The following ERC2 variants were observed in gnomAD, a reference collection of about 807,000 sequenced individuals.
ERC2 encodes the protein ERC protein 2.
A neutral mutation model predicts 114.8 loss-of-function variants in ERC2; 42 were observed. The observed-to-expected ratio is 0.37, with a 90% CI of 0.29 to 0.47. ERC2 has a LOEUF of 0.47. Among genes scored for constraint, ERC2 ranks in the 20% least tolerant of loss-of-function variants. The pLI is 0.99. For missense variants in ERC2, 939 were observed against 1,150.7 expected (o/e 0.82, Z 2.66); for synonymous variants, 454 against 425.5 (o/e 1.07, Z -0.82).
At chr3:55,837,943 T>A (rs747669117) in intron 14 of ERC2, among the ~76,000 whole-genome samples, 1 of 150,242 alleles carries the variant, frequency 6.7e-6, no homozygotes, top group African/African-American at 2.5e-5. Flanking sequence ...ACAAAGTCAA[T>A]TTCAGAACAA....
rs547526287 is a variant in ERC2, at chr3:55,604,516, G to GT, written c.*39+79277_*39+79278insA. Among the ~76,000 whole-genome samples the GT allele has an allele frequency of 3.0e-3, 464 of 152,178 alleles. 3 individuals are homozygous for GT. The highest frequency in any genetic ancestry group is 0.01 in the African/African-American group (430 of 41,528). On this transcript the variant is annotated intron_variant, in intron 17 of 17. Coordinates refer to ENST00000288221, the MANE Select transcript of ERC2 (RefSeq NM_015576.3). ...TTCCTGCTGACACTACACTCAGCAGGCATGTCTGAGGATGAGAAAGAAGGC... is the reference window on the plus strand; with the variant it reads ...TTCCTGCTGACACTACACTCAGCAGGTCATGTCTGAGGATGAGAAAGAAGGC...
chr3:55,598,041 C>T (rs189374192), intron 17 of ERC2, among the ~76,000 whole-genome samples: 2 of 152,332 alleles, frequency 1.3e-5, no homozygotes, highest in Non-Finnish European at 2.9e-5. Flanking sequence ...TGACTGCGAG[C>T]ATTACTCTGC....
chr3:55,950,718 A>T (rs1338040539), intron 12 of ERC2, among the ~76,000 whole-genome samples, 158 bp from the exon 13 acceptor site: 1 of 152,230 alleles, frequency 6.6e-6, no homozygotes, highest in Non-Finnish European at 1.5e-5. Flanking sequence ...ACAAATATGT[A>T]TTGAGCATCC....
At chr3:56,142,050 C>A (rs2080886144) in intron 5 of ERC2, among the ~76,000 whole-genome samples, 1 of 152,090 alleles carries the variant, frequency 6.6e-6, no homozygotes. Flanking sequence ...ACCAGCAAAA[C>A]CATTCAGAGC....
At chr3:56,453,051 C>CT (rs1288147777) in intron 1 of ERC2, among the ~76,000 whole-genome samples, 1 of 152,170 alleles carries the variant, frequency 6.6e-6, no homozygotes, top group Non-Finnish European at 1.5e-5. Context: ...CAAAAAAAAA[C>CT]TTTGCACATG....
At chr3:56,231,061 A>C (rs1021080035) in intron 3 of ERC2, among the ~76,000 whole-genome samples, 2 of 152,216 alleles carry the variant, frequency 1.3e-5, no homozygotes, top group African/African-American at 4.8e-5. Flanking sequence ...ACAGATATGG[A>C]AACTGAGGCT....
At chr3:55,954,974 C>T (rs2067838531) in intron 12 of ERC2, among the ~76,000 whole-genome samples, 1 of 151,934 alleles carries the variant, frequency 6.6e-6, no homozygotes, top group South Asian at 2.1e-4. Context: ...TAAAATCAGG[C>T]TCGCTAAAAA....
At chr3:56,205,545 C>T (rs982477) in intron 3 of ERC2, among the ~76,000 whole-genome samples, 68,990 of 151,966 alleles carry the variant, frequency 0.45, 16,126 homozygotes, top group East Asian at 0.71. Flanking sequence ...TTATCTTTTA[C>T]AATGTTGATT....
At chr3:56,389,282 T>C (rs890800884) in intron 2 of ERC2, among the ~76,000 whole-genome samples, 1 of 152,170 alleles carries the variant, frequency 6.6e-6, no homozygotes, top group African/African-American at 2.4e-5. Context: ...CCTTGAGGCA[T>C]GAGTCAGACT....
At chr3:56,446,787 G>C (rs1024136131) in intron 1 of ERC2, among the ~76,000 whole-genome samples, 2 of 151,584 alleles carry the variant, frequency 1.3e-5, no homozygotes, top group South Asian at 4.2e-4. Flanking sequence ...CACCACACCC[G>C]GCTAATTTTT....
chr3:56,234,088 G>A (rs187021020), intron 3 of ERC2, among the ~76,000 whole-genome samples: 36 of 152,252 alleles, frequency 2.4e-4, no homozygotes, highest in Non-Finnish European at 1.5e-5. Context: ...TTTATTTAAT[G>A]TGCCTCTTTC....
At chr3:56,383,356 T>A (rs1036843240) in intron 2 of ERC2, among the ~76,000 whole-genome samples, 1 of 152,208 alleles carries the variant, frequency 6.6e-6, no homozygotes, top group African/African-American at 2.4e-5. Flanking sequence ...GTGCCTTTCC[T>A]TCTAATCCTG....
intron 15 of ERC2, among the ~76,000 whole-genome samples, chr3:55,717,456 T>G (rs557708809): frequency 6.6e-6 from 1 of 152,298 alleles, no homozygotes; most frequent in African/African-American, 2.4e-5. Flanking sequence ...CCTTCAAGTT[T>G]TCTCCTTTCT....
chr3:56,133,038 C>A (rs1356670980), intron 6 of ERC2, among the ~76,000 whole-genome samples: 1 of 152,160 alleles, frequency 6.6e-6, no homozygotes, highest in Non-Finnish European at 1.5e-5. Context: ...TCATTCTTAT[C>A]CCCCTTCTTA....
At chr3:55,556,274 A>G (rs1217613754) in intron 17 of ERC2, among the ~76,000 whole-genome samples, 2 of 152,190 alleles carry the variant, frequency 1.3e-5, no homozygotes, top group Non-Finnish European at 2.9e-5. Flanking sequence ...CACTGCATGG[A>G]TATTTCCACT....
At chr3:55,856,234 C>A (rs1161605112) in intron 14 of ERC2, among the ~76,000 whole-genome samples, 3 of 152,158 alleles carry the variant, frequency 2.0e-5, no homozygotes, top group Admixed American at 2.0e-4. Context: ...TAGGGCCCAC[C>A]AATGCTCCAG....
chr3:55,934,684 A>C (rs1329308450), intron 13 of ERC2, among the ~76,000 whole-genome samples: 1 of 152,220 alleles, frequency 6.6e-6, no homozygotes, highest in African/African-American at 2.4e-5. Context: ...ACAAAGAAAA[A>C]AAATTGGGAA....
chr3:56,434,882 C>T lies in ERC2; in HGVS notation c.126G>A (p.Lys42=). ...ACTGGATATTCTCCATAGACAGAGT[C>T]TTGCCTGTTCCTCCACCTCCCCCAC... The part of the protein sequence containing the change: ...TSSGGGGGTG[K]TLSMENIQSL... Residue 42 remains lysine (K), a synonymous_variant, in exon 2 of 18, where the codon AAG becomes AAA. Coordinates refer to ENST00000288221, the MANE Select transcript of ERC2 (RefSeq NM_015576.3). 1 of 1,613,902 alleles carries T rather than the reference C, an allele frequency of 6.2e-7. No individual in the cohort carries two copies. Among genetic ancestry groups the T allele is most frequent in the Non-Finnish European group, 8.5e-7 (1 of 1,179,884 alleles).
chr3:56,001,661 GCTAA>G (rs2072072066), intron 10 of ERC2, among the ~76,000 whole-genome samples: 1 of 152,118 alleles, frequency 6.6e-6, no homozygotes, highest in Non-Finnish European at 1.5e-5. Flanking sequence ...TGGTCTAAAA[GCTAA>G]CTGAGAGTTA....
Sources: allele counts gnomAD v4.1 joint callset (sites outside exome capture counted in the v4.1 genomes callset), GRCh38; gene constraint gnomAD v4.1.1; transcripts MANE v1.5; gene names NCBI Gene and HGNC (gene_info 2026-07-23, HGNC 2026-07-21).